Variants in GSR observed in about 807,000 individuals in gnomAD.
The protein encoded by GSR is glutathione-disulfide reductase.
A neutral mutation model predicts 56.5 loss-of-function variants in GSR; 48 were observed. The observed-to-expected ratio is 0.85, with a 90% CI of 0.67 to 1.08. GSR has a LOEUF of 1.08. Among genes scored for constraint, GSR ranks in the 50% least tolerant of loss-of-function variants. The pLI is 0.00. For missense variants in GSR, 694 were observed against 703.3 expected (o/e 0.99, Z 0.15); for synonymous variants, 264 against 270.8 (o/e 0.97, Z 0.25).
intron 12 of GSR, among the ~76,000 whole-genome samples, chr8:30,679,960 C>T (rs1802886808): frequency 6.6e-6 from 1 of 152,054 alleles, no homozygotes; most frequent in African/African-American, 2.4e-5. Context: ...CCACCTCAGC[C>T]TCCCAAAGTG....
chr8:30,718,968 T>C (rs2128748534), intron 1 of GSR, among the ~76,000 whole-genome samples: 1 of 152,074 alleles, frequency 6.6e-6, no homozygotes, highest in African/African-American at 2.4e-5. Context: ...CTCACTCTTG[T>C]TGCCCAGCTG....
intron 6 of GSR, among the ~76,000 whole-genome samples, chr8:30,698,936 G>A (rs370285882): frequency 6.6e-6 from 1 of 152,140 alleles, no homozygotes; most frequent in Non-Finnish European, 1.5e-5. Flanking sequence ...AGCCTGCAAT[G>A]TACAGCAACT....
intron 4 of GSR, among the ~76,000 whole-genome samples, chr8:30,705,340 G>A (rs1402824591): frequency 1.3e-5 from 2 of 151,900 alleles, no homozygotes; most frequent in Non-Finnish European, 2.9e-5. Flanking sequence ...TCAGCTCACT[G>A]CAAGCTCCGC....
At position 30,727,594 on chromosome 8, in the gene GSR, C is replaced by T. The variant is rs767823911; in HGVS notation, c.242G>A (p.Arg81His). The change falls in exon 1 of 13, where the codon CGC becomes CAC. Residue 81 changes from arginine to histidine, a missense_variant. Physicochemically the swap from Arg to His is conservative, Grantham distance 29. Coordinates refer to ENST00000221130, the MANE Select transcript of GSR (RefSeq NM_000637.5). Reference sequence around the variant, plus strand: ...CCTGGCACCCAGCTCGGCCGCCCTGCGCGCGCTGGCCAGCCCGCCCGAGCC... The same window carrying T: ...CCTGGCACCCAGCTCGGCCGCCCTGTGCGCGCTGGCCAGCCCGCCCGAGCC... ...GGGSGGLASA[R>H]RAAELGARAA... The T allele has an allele frequency of 1.8e-5, 28 of 1,528,608 alleles. No homozygotes were observed. In the Admixed American group the frequency reaches 4.2e-4, roughly 23 times the overall value. The allele number at this position is 1,528,608 out of a possible 1,614,324, so 94.7% of individuals were successfully genotyped here.
chr8:30,701,555 C>T (rs577288987), intron 5 of GSR, among the ~76,000 whole-genome samples: 10 of 151,814 alleles, frequency 6.6e-5, no homozygotes, highest in Admixed American at 3.9e-4. Flanking sequence ...TTTGGGAGGC[C>T]AAGGTGGGCA....
chr8:30,707,730 A>C (rs2551708), intron 4 of GSR, among the ~76,000 whole-genome samples: 1 of 151,786 alleles, frequency 6.6e-6, no homozygotes, highest in East Asian at 1.9e-4. Context: ...CAAGGTGGGC[A>C]GATCACCTGA....
At position 30,712,053 on chromosome 8, in the gene GSR, A is replaced by C; in HGVS notation, c.333+9T>G. On this transcript the variant is annotated intron_variant, in intron 2 of 12. Transcript: ENST00000221130. ...GGATTGTAAAGGGAAAGAGAAATAA[A>C]AATTCTACCTTTTTGGGTACACATC... The C allele has an allele frequency of 7.3e-7, 1 of 1,361,536 alleles. No individual in the cohort carries two copies. Among genetic ancestry groups the C allele is most frequent in the Non-Finnish European group, 1.0e-6 (1 of 955,114 alleles). 84.3% of individuals were successfully genotyped at this position (1,361,536 alleles called of 1,614,324 possible). A position where few individuals can be genotyped will look rare whatever the true frequency, so the allele number is the denominator to read the frequency against.
intron 7 of GSR, among the ~76,000 whole-genome samples, chr8:30,694,938 C>G (rs1168878907): frequency 1.3e-5 from 2 of 150,720 alleles, no homozygotes; most frequent in East Asian, 3.9e-4. Context: ...GCATGGTGGC[C>G]CACACCTGTA....
intron 5 of GSR, among the ~76,000 whole-genome samples, chr8:30,700,805 T>C (rs1298041616): frequency 6.7e-6 from 1 of 148,536 alleles, no homozygotes; most frequent in Non-Finnish European, 1.5e-5. Flanking sequence ...ACCTATATGG[T>C]GTACACATTG....
At position 30,712,106 on chromosome 8, in the gene GSR, A is replaced by G; in HGVS notation, c.307-18T>C. On this transcript the variant is annotated intron_variant, in intron 1 of 12. Coordinates refer to ENST00000221130, the MANE Select transcript of GSR (RefSeq NM_000637.5). Reference sequence around the variant, plus strand: ...ACATTCACCTGGAAAAAAAAAAAAGAGACACACTTTAAGAATATTGAATTC... The same window carrying G: ...ACATTCACCTGGAAAAAAAAAAAAGGGACACACTTTAAGAATATTGAATTC... The G allele has an allele frequency of 7.4e-7, 1 of 1,346,730 alleles. No homozygotes were observed. The highest frequency in any genetic ancestry group is 1.1e-6 in the Non-Finnish European group (1 of 949,160). The allele number at this position is 1,346,730 out of a possible 1,614,324, so 83.4% of individuals were successfully genotyped here.
intron 1 of GSR, among the ~76,000 whole-genome samples, chr8:30,716,427 C>G (rs1379242976): frequency 6.6e-6 from 1 of 152,200 alleles, no homozygotes; most frequent in African/African-American, 2.4e-5. Context: ...TGTGAACAGG[C>G]CTCCAGGGAT....
At position 30,679,660 on chromosome 8, in the gene GSR, T is replaced by A; in HGVS notation, c.1429A>T (p.Ile477Phe). Reference sequence around the variant, plus strand: ...TCACACCCAAGTCCCTGCATATGGATCCCAACCACCTGGGAAAAGAAGAGA... The same window carrying A: ...TCACACCCAAGTCCCTGCATATGGAACCCAACCACCTGGGAAAAGAAGAGA... ...CANKEEKVVG[I>F]HMQGLGCDEM... Residue 477 changes from isoleucine to phenylalanine, a missense_variant, in exon 13 of 13, where the codon ATC becomes TTC. Coordinates refer to ENST00000221130, the MANE Select transcript of GSR (RefSeq NM_000637.5). The A allele has an allele frequency of 6.2e-7, 1 of 1,613,172 alleles. No individual in the cohort carries two copies. The highest frequency in any genetic ancestry group is 8.5e-7 in the Non-Finnish European group (1 of 1,179,602).
chr8:30,724,544 CTTTTT>C (rs56145808), intron 1 of GSR, among the ~76,000 whole-genome samples: 1 of 84,626 alleles, frequency 1.2e-5, no homozygotes, highest in African/African-American at 4.9e-5. Flanking sequence ...AACCCCCCAC[CTTTTT>C]TTTTTTTTTT....
intron 9 of GSR, among the ~76,000 whole-genome samples, chr8:30,688,882 C>A (rs1803259898): frequency 6.6e-6 from 1 of 151,760 alleles, no homozygotes; most frequent in African/African-American, 2.4e-5. Context: ...ATGATCACAC[C>A]ACTGAACTCC....
chr8:30,727,607 G>A lies in GSR; in HGVS notation c.229C>T (p.Leu77=). Residue 77 remains leucine (L), a synonymous_variant, in exon 1 of 13, where the codon CTG becomes TTG. Transcript: ENST00000221130. ...YLVIGGGSGG[L]ASARRAAELG... is the part of the protein sequence containing the mutation. ...TCGGCCGCCCTGCGCGCGCTGGCCA[G>A]CCCGCCCGAGCCGCCCCCGATCACC... is the stretch of plus-strand genomic sequence containing the variant. The A allele has an allele frequency of 1.3e-6, 2 of 1,515,214 alleles. No homozygotes were observed. Among genetic ancestry groups the A allele is most frequent in the South Asian group, 2.4e-5 (2 of 81,696 alleles). The allele number at this position is 1,515,214 out of a possible 1,614,324, so 93.9% of individuals were successfully genotyped here.
intron 1 of GSR, among the ~76,000 whole-genome samples, chr8:30,723,805 CA>C (rs760587510): frequency 9.1e-4 from 137 of 150,920 alleles, no homozygotes; most frequent in Middle Eastern, 6.9e-3. Flanking sequence ...CACACACACA[CA>C]CACACACACA....
intron 5 of GSR, among the ~76,000 whole-genome samples, chr8:30,700,482 G>C (rs1029285062): frequency 6.6e-6 from 1 of 151,990 alleles, no homozygotes; most frequent in African/African-American, 2.4e-5. Flanking sequence ...GTGAGACACC[G>C]TTCCTGCCTG....
At chr8:30,712,613 G>A (rs574770079) in intron 1 of GSR, among the ~76,000 whole-genome samples, 3 of 151,776 alleles carry the variant, frequency 2.0e-5, no homozygotes, top group African/African-American at 7.3e-5. Flanking sequence ...AGACAAGGCT[G>A]CAGTAAGCCA....
At chr8:30,721,107 A>T (rs1374513365) in intron 1 of GSR, among the ~76,000 whole-genome samples, 1 of 152,080 alleles carries the variant, frequency 6.6e-6, no homozygotes, top group Non-Finnish European at 1.5e-5. Flanking sequence ...AAAAACAAAA[A>T]AATTTAAAAA....
Sources: gnomAD v4.1 joint callset for allele counts (sites outside exome capture counted in the v4.1 genomes callset) on GRCh38, gnomAD v4.1.1 for gene constraint, MANE v1.5 for transcripts, NCBI Gene and HGNC (gene_info 2026-07-23, HGNC 2026-07-21) for gene names.